The following MYO9A variants were observed in gnomAD, a reference collection of about 807,000 sequenced individuals.
MYO9A encodes the protein unconventional myosin-IXa.
MYO9A carries 103 observed loss-of-function variants against 293.3 expected under a neutral mutation model. That is an observed-to-expected ratio of 0.35 (90% CI 0.30 to 0.41). The LOEUF (loss-of-function observed/expected upper bound fraction) is 0.41. MYO9A is among the 10% of genes least tolerant of loss of function. MYO9A has a pLI of 1.00. For synonymous variants in MYO9A, 1,001 were observed against 1,035.7 expected, an observed-to-expected ratio of 0.97 and a Z score of 0.64; for missense variants, 2,685 against 3,033.0, an observed-to-expected ratio of 0.89 and a Z score of 2.69.
chr15:71,973,459 T>G (rs968783977), intron 12 of MYO9A, among the ~76,000 whole-genome samples: 1 of 152,132 alleles, frequency 6.6e-6, no homozygotes, highest in African/African-American at 2.4e-5. Flanking sequence ...CATGTTTGGG[T>G]TGATGTAGGA....
At chr15:72,068,614 A>G (rs2079090165) in intron 1 of MYO9A, among the ~76,000 whole-genome samples, 1 of 151,894 alleles carries the variant, frequency 6.6e-6, no homozygotes, top group Non-Finnish European at 1.5e-5. Context: ...TACAAGTGAC[A>G]GCCATCATGC....
At chr15:71,908,196 T>C (rs1005948124) in intron 19 of MYO9A, among the ~76,000 whole-genome samples, 1 of 152,226 alleles carries the variant, frequency 6.6e-6, no homozygotes, top group Non-Finnish European at 1.5e-5. Context: ...ATTTATTAAA[T>C]AGGGAATCCT....
At position 71,854,576 on chromosome 15, in the gene MYO9A, G is replaced by A. The variant is rs2055788904; in HGVS notation, c.6154-7C>T. ...ATGACAGCTCTGGATCATACTAAATGAAAGATAATTTTTAGTTTCCAAATG... is the reference window on the plus strand; with the variant it reads ...ATGACAGCTCTGGATCATACTAAATAAAAGATAATTTTTAGTTTCCAAATG... On this transcript the variant is annotated splice_region_variant and splice_polypyrimidine_tract_variant and intron_variant, in intron 34 of 41. Transcript: ENST00000356056. 3.2e-6 allele frequency: 5 copies of A among 1,558,074 alleles called. No individual in the cohort carries two copies. Among genetic ancestry groups the A allele is most frequent in the Non-Finnish European group, 4.3e-6 (5 of 1,155,696 alleles).
intron 39 of MYO9A, among the ~76,000 whole-genome samples, chr15:71,845,088 T>G (rs1215371196): frequency 2.0e-5 from 3 of 152,214 alleles, no homozygotes; most frequent in Non-Finnish European, 4.4e-5. Context: ...TGCCTTTTGT[T>G]AAGTCACAAA....
chr15:72,056,516 G>A (rs1388936197), intron 1 of MYO9A, among the ~76,000 whole-genome samples: 1 of 152,200 alleles, frequency 6.6e-6, no homozygotes, highest in African/African-American at 2.4e-5. Context: ...GTATGTTCTC[G>A]CTCATAAGCA....
intron 26 of MYO9A, chr15:71,892,943 T>G (rs2057221505): frequency 1.6e-6 from 2 of 1,221,164 alleles, no homozygotes; most frequent in Non-Finnish European, 2.1e-6. Flanking sequence ...TTGCTATTTT[T>G]CTTATATTGC....
chr15:71,965,580 T>C (rs1177630593), intron 13 of MYO9A, among the ~76,000 whole-genome samples: 1 of 152,140 alleles, frequency 6.6e-6, no homozygotes, highest in East Asian at 1.9e-4. Context: ...ACCCCATCTC[T>C]AGTAAAAATA....
intron 38 of MYO9A, among the ~76,000 whole-genome samples, chr15:71,849,352 G>T (rs570326735): frequency 2.0e-5 from 3 of 152,260 alleles, no homozygotes; most frequent in African/African-American, 7.2e-5. Flanking sequence ...GGGAGGCTGA[G>T]GCACGAGAAT....
intron 28 of MYO9A, 38 bp downstream of exon 28, chr15:71,883,556 A>T: frequency 6.3e-7 from 1 of 1,586,168 alleles, no homozygotes; most frequent in Non-Finnish European, 8.6e-7. Flanking sequence ...AGTGAACAGA[A>T]ATTATGAACA....
intron 1 of MYO9A, among the ~76,000 whole-genome samples, chr15:72,089,566 G>A (rs917087414): frequency 1.3e-5 from 2 of 152,058 alleles, no homozygotes; most frequent in Non-Finnish European, 2.9e-5. Context: ...GATCACTTGA[G>A]GCCAGGAGTT....
chr15:71,995,973 T>C (rs1370551757), intron 9 of MYO9A, among the ~76,000 whole-genome samples: 14 of 152,142 alleles, frequency 9.2e-5, no homozygotes, highest in Admixed American at 9.2e-4. Flanking sequence ...TGGTACCAAA[T>C]TCTCTATCTT....
At chr15:72,111,561 C>T (rs2080781085) in intron 1 of MYO9A, among the ~76,000 whole-genome samples, 1 of 151,616 alleles carries the variant, frequency 6.6e-6, no homozygotes, top group African/African-American at 2.4e-5. Context: ...TTACTGAGTA[C>T]CTACTATATG....
At position 71,951,974 on chromosome 15, in the gene MYO9A, A is replaced by C. The variant is rs971366626; in HGVS notation, c.2183-78T>G. The C allele has an allele frequency of 1.2e-5, 18 of 1,444,644 alleles. No individual in the cohort carries two copies. The African/African-American group carries it at 2.3e-4, about 18-fold the overall frequency. 89.5% of individuals were successfully genotyped at this position (1,444,644 alleles called of 1,614,324 possible). A position where few individuals can be genotyped will look rare whatever the true frequency, so the allele number is the denominator to read the frequency against. On this transcript the variant is annotated intron_variant, in intron 14 of 41. Coordinates refer to ENST00000356056, the MANE Select transcript of MYO9A (RefSeq NM_006901.4). ...TTATATAAGCCCAAACCAACAGAGA[A>C]TCAAGGACAATGCTGCCAACTATTT...
chr15:72,038,771 G>C (rs970972082), intron 2 of MYO9A, among the ~76,000 whole-genome samples: 1 of 152,194 alleles, frequency 6.6e-6, no homozygotes, highest in South Asian at 2.1e-4. Context: ...GCTACCATGT[G>C]TATTATGACG....
chr15:72,065,785 A>G (rs1460248612), intron 1 of MYO9A, among the ~76,000 whole-genome samples: 3 of 152,214 alleles, frequency 2.0e-5, no homozygotes, highest in African/African-American at 7.2e-5. Context: ...TTAATGAGCA[A>G]AAGACTTAAA....
intron 11 of MYO9A, among the ~76,000 whole-genome samples, chr15:71,988,955 C>T (rs1440226332): frequency 1.3e-5 from 2 of 152,142 alleles, no homozygotes; most frequent in South Asian, 2.1e-4. Context: ...AGTACAGTGG[C>T]GCAATCTCGG....
intron 1 of MYO9A, among the ~76,000 whole-genome samples, chr15:72,058,966 T>G (rs552911351): frequency 2.0e-4 from 30 of 152,336 alleles, no homozygotes; most frequent in Middle Eastern, 6.8e-3. Flanking sequence ...ATATATACAT[T>G]AATTTTGTTT....
intron 12 of MYO9A, among the ~76,000 whole-genome samples, chr15:71,968,645 T>A (rs1331045478): frequency 2.0e-5 from 3 of 152,094 alleles, no homozygotes; most frequent in African/African-American, 7.2e-5. Flanking sequence ...GCACTTAATA[T>A]CCAGGAATCA....
intron 15 of MYO9A, among the ~76,000 whole-genome samples, chr15:71,941,451 A>G (rs1194261322): frequency 1.3e-5 from 2 of 152,150 alleles, no homozygotes; most frequent in Non-Finnish European, 2.9e-5. Flanking sequence ...AACAACAACA[A>G]CAACAACAAA....
Sources: gnomAD v4.1 joint callset for allele counts (sites outside exome capture counted in the v4.1 genomes callset) on GRCh38, gnomAD v4.1.1 for gene constraint, MANE v1.5 for transcripts, NCBI Gene and HGNC (gene_info 2026-07-23, HGNC 2026-07-21) for gene names.